The following PTPRU variants were observed in gnomAD, a reference collection of about 807,000 sequenced individuals.
The protein encoded by PTPRU is protein tyrosine phosphatase receptor type U.
In PTPRU, 69 loss-of-function variants were observed where a neutral mutation model predicts 166.3. The ratio of observed to expected loss-of-function variants is 0.41; its 90% confidence interval spans 0.34 to 0.51. PTPRU has a LOEUF of 0.51. Among genes scored for constraint, PTPRU ranks in the 20% least tolerant of loss-of-function variants. The pLI is 0.09. For missense variants in PTPRU, 1,657 were observed against 2,013.7 expected, an observed-to-expected ratio of 0.82 and a Z score of 3.39; for synonymous variants, 793 against 814.0, an observed-to-expected ratio of 0.97 and a Z score of 0.44.
chr1:29,283,811 G>T, intron 12 of PTPRU, 129 bp from the exon 13 acceptor site: 1 of 1,107,666 alleles, frequency 9.0e-7, no homozygotes, highest in South Asian at 1.4e-5. Context: ...TTCGGGTGGG[G>T]TGTCCCTTGA....
chr1:29,296,278 G>GT, intron 15 of PTPRU, among the ~76,000 whole-genome samples: 1 of 152,296 alleles, frequency 6.6e-6, no homozygotes, highest in East Asian at 1.9e-4. Flanking sequence ...TGGTAGAAAT[G>GT]TTTTTATCAG....
chr1:29,264,896 A>G (rs1326340769), intron 7 of PTPRU, among the ~76,000 whole-genome samples: 1 of 152,244 alleles, frequency 6.6e-6, no homozygotes, highest in South Asian at 2.1e-4. Flanking sequence ...CATTCAGCAT[A>G]GTTTCCTTCA....
At position 29,260,656 on chromosome 1, in the gene PTPRU, C is replaced by T. The variant is rs202132621; in HGVS notation, c.897C>T (p.Pro299=). The change falls in exon 7 of 30, where the codon CCC becomes CCT. Residue 299 remains proline, a synonymous_variant. Transcript: ENST00000373779. The surrounding 1 kb of genome is among the most constrained non-coding windows in gnomAD (Gnocchi z 8.3). ...CCCCACAGCTGCTGCGTGCTGGCCC[C>T]ACCTACCTCATCATCCAGCTCAACA... ...IAPPQLLRAG[P]TYLIIQLNTN... 2.4e-5 allele frequency: 37 copies of T among 1,532,936 alleles called. No homozygotes were observed. In the African/African-American group the frequency reaches 4.7e-4, roughly 20 times the overall value. The allele number at this position is 1,532,936 out of a possible 1,614,324, so 95.0% of individuals were successfully genotyped here.
intron 1 of PTPRU, among the ~76,000 whole-genome samples, chr1:29,247,838 T>C (rs545504347): frequency 2.0e-5 from 3 of 152,312 alleles, no homozygotes; most frequent in African/African-American, 7.2e-5. Context: ...TGGCAAGATG[T>C]TGGCATTGTC....
At chr1:29,312,991 C>T (rs560516617) in intron 22 of PTPRU, among the ~76,000 whole-genome samples, 42 of 152,294 alleles carry the variant, frequency 2.8e-4, no homozygotes, top group Middle Eastern at 3.4e-3. Flanking sequence ...GCGCCAGGCA[C>T]GATTGAGTTC....
Position 29,310,734 on chromosome 1 carries a change from C to G in PTPRU, c.2821-10C>G. ...CTGGGGTCTAACCGTGCCCTCTCCT[C>G]CTGTTCCAGGGTTACCACAGGTCAA... On this transcript the variant is annotated splice_polypyrimidine_tract_variant and intron_variant, in intron 18 of 29. Transcript: ENST00000373779. 6.2e-7 allele frequency: 1 copy of G among 1,613,484 alleles called. No homozygotes were observed. The highest frequency in any genetic ancestry group is 8.5e-7 in the Non-Finnish European group (1 of 1,179,458).
chr1:29,303,824 C>G (rs1179739259), intron 15 of PTPRU, 31 bp from the exon 16 acceptor site: 2 of 1,574,494 alleles, frequency 1.3e-6, no homozygotes, highest in South Asian at 1.1e-5. Context: ...GCATGTGTGT[C>G]AAGAACCCTT....
chr1:29,315,585 G>C lies in PTPRU; in HGVS notation c.3363+78G>C. 1 of 1,586,958 alleles carries C rather than the reference G, an allele frequency of 6.3e-7. No homozygotes were observed. Among genetic ancestry groups the C allele is most frequent in the Non-Finnish European group, 8.6e-7 (1 of 1,161,198 alleles). On this transcript the variant is annotated intron_variant, in intron 23 of 29. Transcript: ENST00000373779. This position sits in a 1 kb window ranked among gnomAD's most constrained non-coding sequence, Gnocchi z 4.5. ...CTCGTGAAGGATCCTGGAGCCGGCAGAGCATGCCCAAAGGGTGTCCTGAGG... is the reference window on the plus strand; with the variant it reads ...CTCGTGAAGGATCCTGGAGCCGGCACAGCATGCCCAAAGGGTGTCCTGAGG...
chr1:29,277,800 A>ATTC (rs1685873492), intron 8 of PTPRU, among the ~76,000 whole-genome samples: 1 of 41,782 alleles, frequency 2.4e-5, no homozygotes, highest in South Asian at 8.2e-4. Flanking sequence ...CACAGTTGTC[A>ATTC]TTCTTTTTTT....
chr1:29,291,385 C>CT lies in PTPRU; in HGVS notation c.2319-482dup, dbSNP rs1686625162. On this transcript the variant is annotated intron_variant, in intron 14 of 29. Coordinates refer to ENST00000373779, the MANE Select transcript of PTPRU (RefSeq NM_133178.4). The surrounding 1 kb of genome is among the most constrained non-coding windows in gnomAD (Gnocchi z 4.1). ...CGGGGAAGGAGGGGTGTAGTCCCTC[C>CT]TTCCTGCAGGAGAAGGAGGAGTCTG... 6.7e-6 allele frequency among the ~76,000 whole-genome samples: 1 copy of CT among 149,972 alleles called. No homozygotes were observed. The highest frequency in any genetic ancestry group is 1.5e-5 in the Non-Finnish European group (1 of 67,950).
intron 7 of PTPRU, among the ~76,000 whole-genome samples, chr1:29,261,921 A>G (rs1685084286): frequency 6.6e-6 from 1 of 152,192 alleles, no homozygotes; most frequent in Admixed American, 6.5e-5. Flanking sequence ...TGTGCAAGTC[A>G]CCCTATTTTC....
intron 1 of PTPRU, among the ~76,000 whole-genome samples, chr1:29,248,473 G>A (rs867125429): frequency 6.6e-6 from 1 of 152,092 alleles, no homozygotes; most frequent in East Asian, 1.9e-4. Context: ...CATGTACCTG[G>A]GCTTGGGTGA....
chr1:29,292,589 T>C (rs1208897367), intron 15 of PTPRU, among the ~76,000 whole-genome samples: 1 of 152,238 alleles, frequency 6.6e-6, no homozygotes, highest in Admixed American at 6.5e-5. Flanking sequence ...TCAGCCGTTA[T>C]GTACTAGGTC....
intron 15 of PTPRU, among the ~76,000 whole-genome samples, chr1:29,301,013 G>A (rs951253654): frequency 8.5e-5 from 13 of 152,178 alleles, no homozygotes; most frequent in Admixed American, 7.9e-4. Flanking sequence ...GGGGGAGGAG[G>A]AGTTTTGGAG....
chr1:29,306,910 G>C (rs555518574), intron 18 of PTPRU, among the ~76,000 whole-genome samples: 25 of 152,270 alleles, frequency 1.6e-4, no homozygotes, highest in African/African-American at 5.8e-4. Context: ...GCCTCTCCTT[G>C]GTCTTGCCAA....
Position 29,315,976 on chromosome 1 carries a change from G to A in PTPRU, c.3364-26G>A, listed in dbSNP as rs368565604. 31 of 1,612,330 alleles carry A rather than the reference G, an allele frequency of 1.9e-5. No homozygotes were observed. In the African/African-American group the frequency reaches 2.7e-4, roughly 14 times the overall value. On this transcript the variant is annotated intron_variant, in intron 23 of 29. Coordinates refer to ENST00000373779, the MANE Select transcript of PTPRU (RefSeq NM_133178.4). The surrounding 1 kb of genome is among the most constrained non-coding windows in gnomAD (Gnocchi z 4.5). Reference sequence around the variant, plus strand: ...ATCTCCAGCTTCTAGGCCCCTCCTCGGCCTCATTCTCATCTCCTGTTCCAG... The same window carrying A: ...ATCTCCAGCTTCTAGGCCCCTCCTCAGCCTCATTCTCATCTCCTGTTCCAG...
At chr1:29,302,515 G>A (rs1000556952) in intron 15 of PTPRU, among the ~76,000 whole-genome samples, 2 of 152,026 alleles carry the variant, frequency 1.3e-5, no homozygotes, top group Admixed American at 6.6e-5. Context: ...TTCATTCATG[G>A]TAAATGCCTT....
In PTPRU at chr1:29,258,363, G is replaced by T. The variant is rs78932713; in HGVS notation, c.206-142G>T. The T allele has an allele frequency of 5.7e-4, 491 of 857,094 alleles. 3 individuals carry two copies. The African/African-American group carries it at 6.7e-3, about 12-fold the overall frequency. 53.1% of individuals were successfully genotyped at this position (857,094 alleles called of 1,614,324 possible). A position where few individuals can be genotyped will look rare whatever the true frequency, so the allele number is the denominator to read the frequency against. On this transcript the variant is annotated intron_variant, in intron 2 of 29. Transcript: ENST00000373779. ...GGAAGTGAAGGGACTCACCCAGGGA[G>T]GTGGAGCTGGGGCCAGAACTCAGAA...
intron 16 of PTPRU, among the ~76,000 whole-genome samples, chr1:29,304,298 A>C (rs1437487364): frequency 6.6e-6 from 1 of 152,156 alleles, no homozygotes; most frequent in Admixed American, 6.5e-5. Flanking sequence ...GTGGACTGTG[A>C]TCGGGATCCT....
Sources: gnomAD v4.1 joint callset for allele counts (sites outside exome capture counted in the v4.1 genomes callset) on GRCh38, gnomAD v4.1.1 for gene constraint, Gnocchi (gnomAD v3.1) non-coding constraint, MANE v1.5 for transcripts, NCBI Gene and HGNC (gene_info 2026-07-23, HGNC 2026-07-21) for gene names.